SGCZ: variants seen among roughly 807,000 people sequenced by gnomAD.
SGCZ encodes the protein zeta-sarcoglycan.
A neutral mutation model predicts 41.3 loss-of-function variants in SGCZ; 40 were observed. The observed-to-expected ratio is 0.97, with a 90% CI of 0.75 to 1.26. SGCZ has a LOEUF of 1.26. SGCZ is among the 50% of genes most tolerant of loss of function. The pLI, the probability that SGCZ is intolerant of heterozygous loss-of-function variation, is 0.00. For synonymous variants in SGCZ, 206 were observed against 137.5 expected (o/e 1.50, Z -3.49); for missense variants, 552 against 369.8 (o/e 1.49, Z -4.04).
At chr8:14,146,578 C>G (rs79902535) in intron 5 of SGCZ, among the ~76,000 whole-genome samples, 5,966 of 152,134 alleles carry the variant, frequency 0.039, 379 homozygotes, top group African/African-American at 0.14. Context: ...GTTAACTACT[C>G]TTATCCTAAA....
At chr8:14,770,827 T>C (rs763780910) in intron 1 of SGCZ, among the ~76,000 whole-genome samples, 1 of 151,948 alleles carries the variant, frequency 6.6e-6, no homozygotes, top group Non-Finnish European at 1.5e-5. Flanking sequence ...AAGGCACAAA[T>C]AAATAAGTAC....
chr8:14,453,399 G>T (rs1204644412), intron 2 of SGCZ, among the ~76,000 whole-genome samples: 1 of 152,132 alleles, frequency 6.6e-6, no homozygotes, highest in Admixed American at 6.5e-5. Flanking sequence ...CCATAAACGA[G>T]AATTTGAACA....
At chr8:15,151,903 G>A (rs1055587522) in intron 1 of SGCZ, among the ~76,000 whole-genome samples, 1 of 152,140 alleles carries the variant, frequency 6.6e-6, no homozygotes, top group African/African-American at 2.4e-5. Flanking sequence ...ATTTGAAGCG[G>A]TTAATCCATG....
chr8:14,975,212 A>G (rs1801424911), intron 1 of SGCZ, among the ~76,000 whole-genome samples: 1 of 152,158 alleles, frequency 6.6e-6, no homozygotes, highest in Non-Finnish European at 1.5e-5. Context: ...AGGCTGAGGC[A>G]GGAGAATCAT....
At chr8:14,287,681 A>T (rs1337729404) in intron 3 of SGCZ, among the ~76,000 whole-genome samples, 1 of 152,004 alleles carries the variant, frequency 6.6e-6, no homozygotes, top group African/African-American at 2.4e-5. Context: ...TAATTTTTTT[A>T]AATATATTTT....
intron 1 of SGCZ, among the ~76,000 whole-genome samples, chr8:14,837,800 A>G (rs1379993232): frequency 6.6e-6 from 1 of 152,160 alleles, no homozygotes; most frequent in Non-Finnish European, 1.5e-5. Context: ...GTAATTATAG[A>G]CACATAATAG....
chr8:14,127,120 A>G (rs1359073503), intron 5 of SGCZ, among the ~76,000 whole-genome samples: 1 of 152,146 alleles, frequency 6.6e-6, no homozygotes, highest in Non-Finnish European at 1.5e-5. Flanking sequence ...TATGTAAGAA[A>G]CCTGCACGTT....
At chr8:14,720,363 CAAT>C (rs1199304150) in intron 1 of SGCZ, among the ~76,000 whole-genome samples, 6 of 152,030 alleles carry the variant, frequency 3.9e-5, no homozygotes, top group South Asian at 2.1e-4. Context: ...TTTTTAAAAA[CAAT>C]AATGATAGAT....
chr8:14,190,014 C>CTTTTTTTTTTTTTTTTT (rs71304966), intron 4 of SGCZ, among the ~76,000 whole-genome samples: 90 of 100,160 alleles, frequency 9.0e-4, no homozygotes, highest in South Asian at 1.6e-3. Context: ...TTCTTTCTTT[C>CTTTTTTTTTTTTTTTTT]TTTTTTTTTT....
At chr8:14,911,736 T>C (rs1368668574) in intron 1 of SGCZ, among the ~76,000 whole-genome samples, 1 of 151,890 alleles carries the variant, frequency 6.6e-6, no homozygotes, top group African/African-American at 2.4e-5. Context: ...AATATTTATA[T>C]ATATGAATAT....
intron 5 of SGCZ, among the ~76,000 whole-genome samples, chr8:14,125,135 A>G (rs1425959015): frequency 2.6e-5 from 4 of 152,176 alleles, no homozygotes; most frequent in Non-Finnish European, 5.9e-5. Flanking sequence ...TGATAAATGA[A>G]ATGAGAGGAC....
intron 1 of SGCZ, among the ~76,000 whole-genome samples, chr8:14,703,138 A>G (rs1000430105): frequency 6.6e-6 from 1 of 152,006 alleles, no homozygotes; most frequent in African/African-American, 2.4e-5. Context: ...ACATGATGTT[A>G]TCACCCTATT....
At chr8:14,152,900 T>C (rs1483964124) in intron 5 of SGCZ, among the ~76,000 whole-genome samples, 5 of 152,212 alleles carry the variant, frequency 3.3e-5, no homozygotes, top group Non-Finnish European at 5.9e-5. Flanking sequence ...CAGGAAATTA[T>C]GCTGAGTGAA....
chr8:14,707,679 GC>G (rs940687608), intron 1 of SGCZ, among the ~76,000 whole-genome samples: 1 of 151,980 alleles, frequency 6.6e-6, no homozygotes, highest in African/African-American at 2.4e-5. Context: ...TAAAACTCTA[GC>G]CATTACACAG....
At chr8:14,266,391 A>G (rs1799867193) in intron 3 of SGCZ, among the ~76,000 whole-genome samples, 1 of 152,146 alleles carries the variant, frequency 6.6e-6, no homozygotes, top group African/African-American at 2.4e-5. Context: ...CAGAAGCACC[A>G]AGATAACTCA....
chr8:14,260,486 T>G (rs1422029368), intron 3 of SGCZ, among the ~76,000 whole-genome samples: 4 of 146,728 alleles, frequency 2.7e-5, no homozygotes, highest in Non-Finnish European at 6.0e-5. Flanking sequence ...GGAACACTTT[T>G]ACACTGTTGG....
intron 2 of SGCZ, among the ~76,000 whole-genome samples, chr8:14,463,599 T>A (rs1800964034): frequency 6.6e-6 from 1 of 151,692 alleles, no homozygotes; most frequent in Admixed American, 6.6e-5. Context: ...TTCTTGAATA[T>A]GATACTAAAG....
chr8:14,469,581 G>A (rs1330634050), intron 2 of SGCZ, among the ~76,000 whole-genome samples: 2 of 151,920 alleles, frequency 1.3e-5, no homozygotes, highest in African/African-American at 4.8e-5. Flanking sequence ...GTGTCTCTTT[G>A]TACGCTACTG....
At chr8:14,231,371 G>A (rs891121148) in intron 4 of SGCZ, among the ~76,000 whole-genome samples, 2 of 151,878 alleles carry the variant, frequency 1.3e-5, no homozygotes, top group Non-Finnish European at 2.9e-5. Flanking sequence ...CCTTTTTTAA[G>A]GAATTTCATC....
Sources: gnomAD v4.1 joint callset for allele counts (sites outside exome capture counted in the v4.1 genomes callset) on GRCh38, gnomAD v4.1.1 for gene constraint, MANE v1.5 for transcripts, NCBI Gene and HGNC (gene_info 2026-07-23, HGNC 2026-07-21) for gene names.